Variants in SIK3 observed in about 807,000 individuals in gnomAD.
SIK3 encodes serine/threonine-protein kinase SIK3.
Under a neutral mutation model 144.2 loss-of-function variants are expected in SIK3, and 28 were observed. The ratio of observed to expected loss-of-function variants is 0.19; its 90% CI spans 0.14 to 0.27. The LOEUF (loss-of-function observed/expected upper bound fraction) is 0.27, where lower values mean the gene tolerates loss of function less well. Ranked by LOEUF, SIK3 falls within the 10% of genes least tolerant of loss-of-function variation. SIK3 has a pLI of 1.00. For synonymous variants in SIK3, 686 were observed against 676.3 expected, an observed-to-expected ratio of 1.01 and a Z score of -0.22; for missense variants, 1,319 against 1,776.0, an observed-to-expected ratio of 0.74 and a Z score of 4.62.
At chr11:116,944,947 T>C (rs1046394724) in intron 3 of SIK3, among the ~76,000 whole-genome samples, 3 of 151,802 alleles carry the variant, frequency 2.0e-5, no homozygotes, top group Non-Finnish European at 4.4e-5. Flanking sequence ...TCAGGGGCAC[T>C]AGCTACATTT....
chr11:117,016,911 A>C (rs992048144), intron 1 of SIK3, among the ~76,000 whole-genome samples: 4 of 152,358 alleles, frequency 2.6e-5, no homozygotes, highest in Non-Finnish European at 5.9e-5. Flanking sequence ...ATATTCATGC[A>C]GTGGAATACT....
chr11:116,939,842 T>A (rs1364914293), intron 3 of SIK3, among the ~76,000 whole-genome samples: 2 of 152,202 alleles, frequency 1.3e-5, no homozygotes, highest in East Asian at 3.8e-4. Context: ...TAAATGTTTG[T>A]AGGGAAGAGA....
Position 116,927,202 on chromosome 11 carries a change from C to A in SIK3, c.616+17G>T. The A allele has an allele frequency of 6.2e-7, 1 of 1,608,082 alleles. No homozygotes were observed. ...AGCTCCTTTGTCCCTATCTGACATC[C>A]TCAGTACAGTTCTCACCTGCTATTT... On this transcript the variant is annotated intron_variant, in intron 4 of 24. Transcript: ENST00000445177.
At chr11:117,053,188 T>C (rs1182027925) in intron 1 of SIK3, among the ~76,000 whole-genome samples, 1 of 151,858 alleles carries the variant, frequency 6.6e-6, no homozygotes, top group African/African-American at 2.4e-5. Flanking sequence ...AATACAAAAA[T>C]TAGCTGGGCA....
At chr11:116,852,092 C>G (rs1046017279) in intron 21 of SIK3, among the ~76,000 whole-genome samples, 1 of 152,204 alleles carries the variant, frequency 6.6e-6, no homozygotes, top group African/African-American at 2.4e-5. Flanking sequence ...TTTAAAACAT[C>G]ATTACTAACC....
intron 1 of SIK3, among the ~76,000 whole-genome samples, chr11:117,009,068 C>T (rs1951156601): frequency 6.6e-6 from 1 of 151,794 alleles, no homozygotes; most frequent in Non-Finnish European, 1.5e-5. Flanking sequence ...AACCCCATCT[C>T]TACTAAAAGT....
chr11:117,065,671 C>T (rs1953979358), intron 1 of SIK3, among the ~76,000 whole-genome samples: 1 of 150,554 alleles, frequency 6.6e-6, no homozygotes, highest in African/African-American at 2.5e-5. Context: ...CAGAGTCTCA[C>T]ACTGTTGGAG....
At position 116,844,667 on chromosome 11, in the gene SIK3, T is replaced by TTATATTATATATATA. The variant is rs1941812590; in HGVS notation, c.*975_*976insTATATATATAATATA. 1.9e-5 allele frequency: 2 copies of TTATATTATATATATA among 107,736 alleles called. No homozygotes were observed. The highest frequency in any genetic ancestry group is 3.6e-5 in the Non-Finnish European group (2 of 55,228). 6.7% of individuals were successfully genotyped at this position (107,736 alleles called of 1,614,324 possible). On this transcript the variant is annotated 3_prime_UTR_variant, in exon 25 of 25. Coordinates refer to ENST00000445177, the MANE Select transcript of SIK3 (RefSeq NM_001366686.3). ...ATATATTATATATATAATATATATA[T>TTATATTATATATATA]ACACATATATTATATTATATATATA...
At chr11:117,091,259 C>T (rs1417147459) in intron 1 of SIK3, among the ~76,000 whole-genome samples, 3 of 126,146 alleles carry the variant, frequency 2.4e-5, no homozygotes, top group Non-Finnish European at 3.1e-5. Context: ...GGCTGGAGTG[C>T]GACGGCACGA....
chr11:117,005,336 GA>G (rs35279676), intron 1 of SIK3, among the ~76,000 whole-genome samples: 5,135 of 55,698 alleles, frequency 0.092, 59 homozygotes, highest in African/African-American at 0.17. Context: ...CCCCGTCTCA[GA>G]AAAAAAAAAA....
intron 3 of SIK3, among the ~76,000 whole-genome samples, chr11:116,948,060 G>C (rs573830026): frequency 6.7e-6 from 1 of 150,006 alleles, no homozygotes; most frequent in East Asian, 2.0e-4. Context: ...TCAGCCTCTC[G>C]AGTAGCTGGG....
chr11:116,929,377 A>G (rs942169068), intron 3 of SIK3, among the ~76,000 whole-genome samples: 1 of 152,224 alleles, frequency 6.6e-6, no homozygotes, highest in Non-Finnish European at 1.5e-5. Flanking sequence ...CCCAAGAGAC[A>G]TTTGTCTGGC....
chr11:117,021,043 A>G (rs1443270591), intron 1 of SIK3, among the ~76,000 whole-genome samples: 1 of 152,208 alleles, frequency 6.6e-6, no homozygotes, highest in Non-Finnish European at 1.5e-5. Flanking sequence ...AACTGAACTG[A>G]ACTGAACTGC....
At chr11:116,852,074 T>G (rs1425877176) in intron 21 of SIK3, among the ~76,000 whole-genome samples, 1 of 152,218 alleles carries the variant, frequency 6.6e-6, no homozygotes, top group Non-Finnish European at 1.5e-5. Flanking sequence ...CTCTCCTGTT[T>G]AAAGATTTTT....
Position 116,909,479 on chromosome 11 carries a change from G to C in SIK3, c.617-12162C>G, listed in dbSNP as rs143306414. ...GACCTGAGTGCCAATTACTACACAG[G>C]TATTTGCTTCTAGTGATTCACTAAA... On this transcript the variant is annotated intron_variant, in intron 4 of 24. Transcript: ENST00000445177. Among the ~76,000 whole-genome samples the C allele has an allele frequency of 2.7e-3, 410 of 152,142 alleles. 4 individuals carry two copies. Among genetic ancestry groups the C allele is most frequent in the African/African-American group, 9.3e-3 (386 of 41,510 alleles).
chr11:117,048,255 G>C (rs528711748), intron 1 of SIK3, among the ~76,000 whole-genome samples: 1 of 152,264 alleles, frequency 6.6e-6, no homozygotes, highest in East Asian at 1.9e-4. Context: ...GCAAAAATAA[G>C]TAGGCCATTG....
chr11:117,000,006 A>C lies in SIK3; in HGVS notation c.274-42942T>G, dbSNP rs553153270. Among the ~76,000 whole-genome samples, 108 of 152,334 alleles carry C rather than the reference A, an allele frequency of 7.1e-4. 1 individual carries two copies. In the Middle Eastern group the frequency reaches 0.014, roughly 19 times the overall value. On this transcript the variant is annotated intron_variant, in intron 1 of 24. Transcript: ENST00000445177. ...TTTCCATTATGGCAAGTAAAAAAGA[A>C]TGTAGTTATAATTGCCATTTGTTTG...
intron 1 of SIK3, among the ~76,000 whole-genome samples, chr11:117,030,423 TA>T (rs905282478): frequency 1.3e-5 from 2 of 152,240 alleles, no homozygotes; most frequent in Admixed American, 1.3e-4. Context: ...ATGAGCCATT[TA>T]AAATCTATAT....
intron 4 of SIK3, among the ~76,000 whole-genome samples, chr11:116,906,909 A>G (rs755820566): frequency 2.6e-5 from 4 of 152,230 alleles, no homozygotes; most frequent in Non-Finnish European, 5.9e-5. Flanking sequence ...TAAGTTATAT[A>G]CAAATATATT....
Sources: allele counts gnomAD v4.1 joint callset (sites outside exome capture counted in the v4.1 genomes callset), GRCh38; gene constraint gnomAD v4.1.1; transcripts MANE v1.5; gene names NCBI Gene and HGNC (gene_info 2026-07-23, HGNC 2026-07-21).